The following SUMF1 variants were observed in gnomAD, a reference collection of about 807,000 sequenced individuals.
The protein encoded by SUMF1 is formylglycine-generating enzyme.
In SUMF1, 48 loss-of-function variants were observed where a neutral mutation model predicts 47.6. The observed-to-expected ratio is 1.01, with a 90% CI of 0.80 to 1.28. The LOEUF (loss-of-function observed/expected upper bound fraction) is 1.28. Ranked by LOEUF, SUMF1 falls within the 50% of genes most tolerant of loss-of-function variation. The pLI, the probability that SUMF1 is intolerant of heterozygous loss-of-function variation, is 0.00. For synonymous variants in SUMF1, 230 were observed against 192.1 expected, an observed-to-expected ratio of 1.20 and a Z score of -1.63; for missense variants, 571 against 485.4, an observed-to-expected ratio of 1.18 and a Z score of -1.66.
chr3:4,229,328 A>G, intron 8 of SUMF1: 1 of 413,306 alleles, frequency 2.4e-6, no homozygotes, highest in Non-Finnish European at 4.8e-6. Context: ...TCCTCTGGTG[A>G]GCCTTTGATA....
At chr3:4,162,668 C>T (rs795289) in intron 8 of SUMF1, among the ~76,000 whole-genome samples, 11,887 of 152,174 alleles carry the variant, frequency 0.078, 533 homozygotes, top group Non-Finnish European at 0.087. Flanking sequence ...TCATGCCATG[C>T]GGCTGTTGCC....
intron 8 of SUMF1, among the ~76,000 whole-genome samples, chr3:4,165,195 G>C (rs1411803252): frequency 4.0e-5 from 6 of 151,528 alleles, no homozygotes. Context: ...TTTCATTAAA[G>C]GCCATGGTTT....
chr3:4,085,055 A>C (rs1325602522), intron 8 of SUMF1, among the ~76,000 whole-genome samples: 1 of 152,126 alleles, frequency 6.6e-6, no homozygotes, highest in Non-Finnish European at 1.5e-5. Context: ...TAGAAGACCC[A>C]TCCTATATTA....
intron 8 of SUMF1, among the ~76,000 whole-genome samples, chr3:4,235,855 C>A (rs1696395329): frequency 6.6e-6 from 1 of 152,102 alleles, no homozygotes; most frequent in Non-Finnish European, 1.5e-5. Context: ...GCTTCCCTCC[C>A]CACCTGCCAT....
intron 8 of SUMF1, among the ~76,000 whole-genome samples, chr3:4,367,822 T>C (rs892548601): frequency 3.2e-4 from 48 of 151,522 alleles, no homozygotes; most frequent in Admixed American, 1.6e-3. Flanking sequence ...TTACACCTTA[T>C]ACAAAAATTA....
chr3:4,126,340 G>A (rs1693654307), intron 8 of SUMF1, among the ~76,000 whole-genome samples: 1 of 151,636 alleles, frequency 6.6e-6, no homozygotes, highest in Non-Finnish European at 1.5e-5. Context: ...TTTCTTCTAT[G>A]TTAATTTAGC....
chr3:4,306,244 G>A (rs536436976), intron 8 of SUMF1, among the ~76,000 whole-genome samples: 6 of 152,090 alleles, frequency 3.9e-5, no homozygotes, highest in East Asian at 3.9e-4. Context: ...CTATGTGCCC[G>A]ACGTATTTTT....
intron 8 of SUMF1, among the ~76,000 whole-genome samples, chr3:4,268,739 C>G (rs1697248312): frequency 6.6e-6 from 1 of 151,882 alleles, no homozygotes; most frequent in Admixed American, 6.6e-5. Context: ...TGAACTTGAA[C>G]CCGTATCTAA....
chr3:4,299,112 A>G (rs310708), intron 8 of SUMF1, among the ~76,000 whole-genome samples: 33,630 of 152,180 alleles, frequency 0.22, 5,214 homozygotes, highest in African/African-American at 0.43. Flanking sequence ...TTAAGGAAGG[A>G]TAGGTACACA....
intron 7 of SUMF1, among the ~76,000 whole-genome samples, chr3:4,377,937 C>CTTTTGGCAGAAATTAAAAGAATT (rs1700380518): frequency 1.3e-5 from 2 of 152,194 alleles, no homozygotes; most frequent in Non-Finnish European, 2.9e-5. Flanking sequence ...AGCACCCTTA[C>CTTTTGGCAGAAATTAAAAGAATT]TTAAGTGGCA....
chr3:4,316,809 G>A, intron 8 of SUMF1: 1 of 1,550,638 alleles, frequency 6.4e-7, no homozygotes, highest in South Asian at 1.2e-5. Flanking sequence ...GTGGTCTGCT[G>A]CTGGTCTGAT....
intron 8 of SUMF1, among the ~76,000 whole-genome samples, chr3:4,290,871 G>C (rs1199600542): frequency 2.0e-5 from 3 of 152,016 alleles, no homozygotes; most frequent in African/African-American, 7.2e-5. Flanking sequence ...TTAAAGTGTT[G>C]GTAGCTTGAA....
chr3:4,148,742 A>ATGTGGAT (rs1694251664), intron 8 of SUMF1, among the ~76,000 whole-genome samples: 1 of 152,096 alleles, frequency 6.6e-6, no homozygotes, highest in Non-Finnish European at 1.5e-5. Flanking sequence ...TGATCCACAA[A>ATGTGGAT]CTAGAACACA....
At position 4,165,044 on chromosome 3, in the gene SUMF1, G is replaced by C. The variant is rs1694666622; in HGVS notation, c.1015-96299C>G. ...ATCCAGTCCCCGTGATCTGAGTCTA[G>C]GTCCCAGTGGGGATGCATACTGGGA... On this transcript the variant is annotated intron_variant and NMD_transcript_variant, in intron 8 of 12. Transcript: ENST00000448413. 3.9e-5 allele frequency among the ~76,000 whole-genome samples: 6 copies of C among 152,218 alleles called. No individual in the cohort carries two copies. In the South Asian group the frequency reaches 1.2e-3, roughly 32 times the overall value.
At chr3:4,177,830 T>C (rs1424759891) in intron 8 of SUMF1, among the ~76,000 whole-genome samples, 1 of 151,810 alleles carries the variant, frequency 6.6e-6, no homozygotes, top group Admixed American at 6.6e-5. Context: ...AAGAATCAAA[T>C]AGATGAAATA....
intron 8 of SUMF1, among the ~76,000 whole-genome samples, chr3:4,114,663 G>A (rs1190524198): frequency 2.0e-5 from 3 of 152,114 alleles, no homozygotes; most frequent in Non-Finnish European, 4.4e-5. Context: ...TTTGGGTAAG[G>A]AGAGGCTAAA....
chr3:4,406,731 T>C (rs934438433), intron 7 of SUMF1, among the ~76,000 whole-genome samples: 3 of 152,082 alleles, frequency 2.0e-5, no homozygotes, highest in South Asian at 2.1e-4. Context: ...CTAAATGCAA[T>C]TGTGTCCCTC....
chr3:4,143,434 G>A (rs1031572531), intron 8 of SUMF1, among the ~76,000 whole-genome samples: 2 of 152,056 alleles, frequency 1.3e-5, no homozygotes, highest in Non-Finnish European at 2.9e-5. Flanking sequence ...TAATGAGAAG[G>A]TCAGATAGTA....
intron 3 of SUMF1, among the ~76,000 whole-genome samples, chr3:4,431,329 C>G (rs931604644): frequency 6.6e-6 from 1 of 152,228 alleles, no homozygotes. Context: ...CTACCCTTTC[C>G]TAATTGGTTT....
Sources: gnomAD v4.1 joint callset for allele counts (sites outside exome capture counted in the v4.1 genomes callset) on GRCh38, gnomAD v4.1.1 for gene constraint, MANE v1.5 for transcripts, NCBI Gene and HGNC (gene_info 2026-07-23, HGNC 2026-07-21) for gene names.